Variants in CABLES1 observed in about 807,000 individuals in gnomAD.
CABLES1 encodes Cdk5 and Abl enzyme substrate 1.
A neutral mutation model predicts 57.8 loss-of-function variants in CABLES1; 36 were observed. The observed-to-expected ratio is 0.62, with a 90% CI of 0.48 to 0.82. The LOEUF (loss-of-function observed/expected upper bound fraction) is 0.82. Ranked by LOEUF, CABLES1 falls within the 40% of genes least tolerant of loss-of-function variation. CABLES1 has a pLI of 0.00. For synonymous variants in CABLES1, 374 were observed against 363.0 expected, an observed-to-expected ratio of 1.03 and a Z score of -0.35; for missense variants, 767 against 836.6, an observed-to-expected ratio of 0.92 and a Z score of 1.03.
At chr18:23,168,848 C>A (rs955878473) in intron 1 of CABLES1, among the ~76,000 whole-genome samples, 2 of 152,102 alleles carry the variant, frequency 1.3e-5, no homozygotes, top group Admixed American at 1.3e-4. Context: ...TAATAGGGAA[C>A]CTTGCAGAAT....
rs771253698 is a variant in CABLES1 at position 23,253,888 on chromosome 18, C to T, written c.1713C>T (p.Ala571=). 2.5e-6 allele frequency: 4 copies of T among 1,614,028 alleles called. No individual in the cohort carries two copies. The highest frequency in any genetic ancestry group is 2.5e-6 in the Non-Finnish European group (3 of 1,180,034). Residue 571 remains alanine (A), a synonymous_variant, in exon 9 of 10, where the codon GCC becomes GCT. Transcript: ENST00000256925. ...CTGGGGCATGTGTGCTGTTAGCAGC[C>T]AAAATTGGAAGTGACCTCAAAAAAC... ...LCAGACVLLA[A]KIGSDLKKHE...
chr18:23,198,699 A>G (rs2047302473), intron 3 of CABLES1, among the ~76,000 whole-genome samples: 1 of 152,222 alleles, frequency 6.6e-6, no homozygotes, highest in East Asian at 1.9e-4. Context: ...CTTTGAAGGT[A>G]GAGGATGGAG....
intron 3 of CABLES1, among the ~76,000 whole-genome samples, chr18:23,198,901 G>T (rs559454505): frequency 6.6e-6 from 1 of 152,316 alleles, no homozygotes; most frequent in Non-Finnish European, 1.5e-5. Context: ...TAACTTTGTG[G>T]CAGTTAGTTC....
At chr18:23,190,903 C>G (rs1245979625) in intron 2 of CABLES1, among the ~76,000 whole-genome samples, 1 of 151,748 alleles carries the variant, frequency 6.6e-6, no homozygotes, top group African/African-American at 2.4e-5. Flanking sequence ...AGTGAGACCC[C>G]CATGTCTACA....
intron 1 of CABLES1, among the ~76,000 whole-genome samples, chr18:23,137,026 G>A (rs2046827635): frequency 6.6e-6 from 1 of 152,244 alleles, no homozygotes; most frequent in African/African-American, 2.4e-5. Context: ...GCTGAGCGGC[G>A]CGTGTGAGCC....
intron 3 of CABLES1, among the ~76,000 whole-genome samples, chr18:23,196,439 T>TC (rs2047283334): frequency 6.6e-6 from 1 of 152,080 alleles, no homozygotes; most frequent in African/African-American, 2.4e-5. Context: ...GGAGGGATTG[T>TC]CCTTAGACAG....
At chr18:23,237,333 T>C (rs912167547) in intron 7 of CABLES1, 88 bp downstream of exon 7, 1 of 887,270 alleles carries the variant, frequency 1.1e-6, no homozygotes. Context: ...GTTCAAAGAC[T>C]GCTCTGCCTG....
rs143146095 is a variant in CABLES1, at chr18:23,243,433, G to C, written c.1446+6188G>C. Among the ~76,000 whole-genome samples the C allele has an allele frequency of 8.1e-3, 1,223 of 151,332 alleles. 12 individuals carry two copies. The highest frequency in any genetic ancestry group is 0.028 in the African/African-American group (1,152 of 41,312). ...CCTGAAATGCCTGATTGTGCTGTGT[G>C]GGGGAGGGAGGGTTGTTTTGGGTGT... is the stretch of plus-strand genomic sequence containing the variant. On this transcript the variant is annotated intron_variant, in intron 7 of 9. Transcript: ENST00000256925.
intron 1 of CABLES1, among the ~76,000 whole-genome samples, chr18:23,159,509 A>G (rs2046988491): frequency 6.6e-6 from 1 of 152,228 alleles, no homozygotes; most frequent in South Asian, 2.1e-4. Flanking sequence ...GTTTTGTGAC[A>G]TGTTTTAAGT....
At chr18:23,163,766 G>GTTA (rs1375961395) in intron 1 of CABLES1, among the ~76,000 whole-genome samples, 20 of 152,184 alleles carry the variant, frequency 1.3e-4, no homozygotes, top group African/African-American at 4.3e-4. Context: ...GAGGTTTATG[G>GTTA]TTATTTAGTG....
chr18:23,180,134 G>C (rs1173939305), intron 1 of CABLES1, among the ~76,000 whole-genome samples: 8 of 152,044 alleles, frequency 5.3e-5, no homozygotes, highest in Admixed American at 5.2e-4. Flanking sequence ...TGTTAGCCAG[G>C]ATGGTCTCGA....
At chr18:23,151,079 C>T (rs908219202) in intron 1 of CABLES1, among the ~76,000 whole-genome samples, 22 of 142,156 alleles carry the variant, frequency 1.5e-4, no homozygotes, top group African/African-American at 4.2e-4. Flanking sequence ...AGTGCAGTGG[C>T]GCGATCTCGG....
At chr18:23,137,636 C>T (rs1300971470) in intron 1 of CABLES1, among the ~76,000 whole-genome samples, 2 of 152,232 alleles carry the variant, frequency 1.3e-5, no homozygotes, top group African/African-American at 4.8e-5. Flanking sequence ...TCCTATCATG[C>T]TTACCTGAAA....
intron 3 of CABLES1, among the ~76,000 whole-genome samples, chr18:23,205,406 C>T (rs2047356002): frequency 1.3e-5 from 2 of 152,056 alleles, no homozygotes; most frequent in Admixed American, 6.6e-5. Context: ...GTTGGCCAGG[C>T]TGGTCTTGAA....
intron 2 of CABLES1, among the ~76,000 whole-genome samples, chr18:23,189,726 G>T (rs551695068): frequency 3.1e-4 from 47 of 152,334 alleles, no homozygotes; most frequent in Middle Eastern, 3.4e-3. Flanking sequence ...TGCGTGCCTT[G>T]GCCAGGCCAG....
intron 1 of CABLES1, among the ~76,000 whole-genome samples, chr18:23,174,621 A>G (rs377105174): frequency 0.015 from 2,237 of 151,368 alleles, 22 homozygotes; most frequent in Non-Finnish European, 0.023. Context: ...ACAGGCACCC[A>G]CCACCACACC....
chr18:23,188,894 A>T lies in CABLES1; in HGVS notation c.902A>T (p.Asn301Ile). 6.2e-7 allele frequency: 1 copy of T among 1,612,756 alleles called. No homozygotes were observed. Among genetic ancestry groups the T allele is most frequent in the Non-Finnish European group, 8.5e-7 (1 of 1,178,824 alleles). ...GAGACCCTGGAAGATATTGAGGAGA[A>T]CGCCCCTCTCCGGAGGTAATTTTCT... ...SLETLEDIEE[N>I]APLRRCRTLS... The change falls in exon 2 of 10, where the codon AAC becomes ATC. Residue 301 changes from asparagine (N) to isoleucine (I), a missense_variant. Physicochemically the swap from Asn to Ile is moderately radical, Grantham distance 149 (BLOSUM62 -3). This residue lies in a region of CABLES1 where 529 missense variants were observed against 622.8 expected (regional missense o/e 0.85). Coordinates refer to ENST00000256925, the MANE Select transcript of CABLES1 (RefSeq NM_001100619.3).
intron 7 of CABLES1, among the ~76,000 whole-genome samples, chr18:23,246,246 A>G (rs1035476835): frequency 6.7e-6 from 1 of 149,536 alleles, no homozygotes; most frequent in African/African-American, 2.5e-5. Flanking sequence ...AGCCTAGGTG[A>G]CAGAGTGAGA....
intron 9 of CABLES1, among the ~76,000 whole-genome samples, chr18:23,255,781 G>A (rs1397645901): frequency 2.6e-5 from 4 of 151,840 alleles, no homozygotes; most frequent in South Asian, 2.1e-4. Context: ...GGCTAGTCTC[G>A]AACTCCTGGC....
Sources: gnomAD v4.1 joint callset for allele counts (sites outside exome capture counted in the v4.1 genomes callset) on GRCh38, gnomAD v4.1.1 for gene constraint, gnomAD v4.1.1 regional missense constraint, MANE v1.5 for transcripts, NCBI Gene and HGNC (gene_info 2026-07-23, HGNC 2026-07-21) for gene names.